Variants in ITSN2 observed in about 807,000 individuals in gnomAD.
ITSN2 encodes the protein intersectin-2.
A neutral mutation model predicts 243.7 loss-of-function variants in ITSN2; 156 were observed. The observed-to-expected ratio is 0.64, with a 90% CI of 0.56 to 0.73. The LOEUF is 0.73. Among genes scored for constraint, ITSN2 ranks in the 30% least tolerant of loss-of-function variants. The probability of loss-of-function intolerance (pLI) is 0.00; values close to 1 mark genes in which losing one functional copy is unlikely to be tolerated. For synonymous variants in ITSN2, 703 were observed against 699.9 expected (o/e 1.00, Z -0.07); for missense variants, 1,801 against 1,996.1 (o/e 0.90, Z 1.86).
intron 15 of ITSN2, among the ~76,000 whole-genome samples, chr2:24,292,548 T>C (rs1442694772): frequency 6.6e-6 from 1 of 152,214 alleles, no homozygotes; most frequent in Admixed American, 6.5e-5. Flanking sequence ...GTGAACTTCA[T>C]TTCTGATATT....
chr2:24,336,336 G>A (rs888966827), intron 1 of ITSN2, among the ~76,000 whole-genome samples: 2 of 150,324 alleles, frequency 1.3e-5, no homozygotes, highest in African/African-American at 4.9e-5. Flanking sequence ...CTAAATAAAT[G>A]TTATTGGCTT....
intron 29 of ITSN2, among the ~76,000 whole-genome samples, chr2:24,235,077 A>G (rs1175479374): frequency 2.6e-5 from 4 of 152,256 alleles, no homozygotes; most frequent in African/African-American, 9.6e-5. Context: ...AGAATTGCCA[A>G]AACTTGGAAG....
rs533734857 is a variant in ITSN2 at position 24,301,266 on chromosome 2, C to A, written c.996-27G>T. 54 of 1,423,512 alleles carry A rather than the reference C, an allele frequency of 3.8e-5. No homozygotes were observed. The African/African-American group carries it at 6.7e-4, about 18-fold the overall frequency. The allele number at this position is 1,423,512 out of a possible 1,614,324, so 88.2% of individuals were successfully genotyped here. A position where few individuals can be genotyped will look rare whatever the true frequency, so the allele number is the denominator to read the frequency against. Reference sequence around the variant, plus strand: ...TAAAAAAATCAAACAACAAAGTTAGCATCATGTAGTCTGGACATTTTCAGA... The same window carrying A: ...TAAAAAAATCAAACAACAAAGTTAGAATCATGTAGTCTGGACATTTTCAGA... On this transcript the variant is annotated intron_variant, in intron 10 of 39. Transcript: ENST00000355123.
At chr2:24,321,834 T>G (rs534258159) in intron 2 of ITSN2, 3 of 152,300 alleles carry the variant, frequency 2.0e-5, no homozygotes, top group Non-Finnish European at 4.4e-5. Flanking sequence ...CCCTGACTAT[T>G]GTCAGGGACT....
intron 7 of ITSN2, among the ~76,000 whole-genome samples, chr2:24,310,023 G>C (rs1683057180): frequency 6.6e-6 from 1 of 151,930 alleles, no homozygotes; most frequent in African/African-American, 2.4e-5. Context: ...CACAGCTTTA[G>C]GCAAAGAAAA....
At chr2:24,302,201 AT>A in intron 9 of ITSN2, 99 bp from the exon 10 acceptor site, 1 of 638,708 alleles carries the variant, frequency 1.6e-6, no homozygotes, top group Non-Finnish European at 2.3e-6. Flanking sequence ...TTATTTATTT[AT>A]TTATTTATTT....
intron 23 of ITSN2, 25 bp from the exon 24 acceptor site, chr2:24,254,456 CA>C: frequency 6.4e-7 from 1 of 1,552,498 alleles, no homozygotes; most frequent in Non-Finnish European, 8.9e-7. Flanking sequence ...AACAAACAAA[CA>C]AACAAACAAA....
intron 29 of ITSN2, chr2:24,242,203 G>C (rs535668585): frequency 1.3e-5 from 2 of 152,192 alleles, no homozygotes; most frequent in African/African-American, 4.8e-5. Flanking sequence ...GACAACATTG[G>C]GTCCTAAAAA....
Position 24,209,883 on chromosome 2 carries a change from C to G in ITSN2, c.4408G>C (p.Val1470Leu). ...LLTYMVKQFA[V>L]SSGSEKLFSS... Reference sequence around the variant, plus strand: ...AAAAGTTTCTCAGAGCCAGAGGAAACAGCAAACTGCTTGACCATGTAGGTA... The same window carrying G: ...AAAAGTTTCTCAGAGCCAGAGGAAAGAGCAAACTGCTTGACCATGTAGGTA... Residue 1470 changes from valine to leucine, a missense_variant, in exon 35 of 40, where the codon GTT (valine) becomes CTT (leucine). Physicochemically the swap from Val to Leu is conservative, Grantham distance 32 (BLOSUM62 1). Coordinates refer to ENST00000355123, the MANE Select transcript of ITSN2 (RefSeq NM_006277.3). 6.2e-7 allele frequency: 1 copy of G among 1,614,196 alleles called. No individual in the cohort carries two copies. The highest frequency in any genetic ancestry group is 8.5e-7 in the Non-Finnish European group (1 of 1,180,046).
chr2:24,341,744 T>C (rs929495361), intron 1 of ITSN2, among the ~76,000 whole-genome samples: 4 of 151,946 alleles, frequency 2.6e-5, no homozygotes, highest in Admixed American at 6.6e-5. Flanking sequence ...GGCATGGTGG[T>C]GAGTGCCTGT....
At chr2:24,299,762 T>C (rs1217452024) in intron 12 of ITSN2, 147 bp downstream of exon 12, 1 of 681,222 alleles carries the variant, frequency 1.5e-6, no homozygotes, top group Non-Finnish European at 2.4e-6. Flanking sequence ...AGGGAAGGAA[T>C]GATCAGATTT....
chr2:24,257,752 C>A (rs757191185), intron 23 of ITSN2, 136 bp downstream of exon 23: 10 of 723,574 alleles, frequency 1.4e-5, no homozygotes, highest in African/African-American at 5.3e-5. Context: ...CCACCACGGC[C>A]GGCCAGAATT....
intron 1 of ITSN2, chr2:24,330,771 CTTTTT>C (rs903037107): frequency 5.1e-6 from 2 of 395,210 alleles, no homozygotes; most frequent in Admixed American, 7.1e-5. Flanking sequence ...TTTCATTTTA[CTTTTT>C]TTTTTTTTTA....
Position 24,216,184 on chromosome 2 carries a change from C to G in ITSN2, c.3855G>C (p.Gln1285His). 6 of 1,611,196 alleles carry G rather than the reference C, an allele frequency of 3.7e-6. No homozygotes were observed. The highest frequency in any genetic ancestry group is 4.2e-6 in the Non-Finnish European group (5 of 1,178,598). ...KKTGGEKMPV[Q>H]MIGDILAAEL... is the part of the protein sequence containing the mutation. ...CAGCGGCCAGGATGTCCCCAATCATCTGCACCGGCATCTTCTCGCCCCCGG... is the reference window on the plus strand; with the variant it reads ...CAGCGGCCAGGATGTCCCCAATCATGTGCACCGGCATCTTCTCGCCCCCGG... The change falls in exon 32 of 40, where the codon CAG becomes CAC. Residue 1285 changes from glutamine to histidine, a missense_variant. Physicochemically the swap from Gln to His is conservative, Grantham distance 24 (BLOSUM62 0). Transcript: ENST00000355123.
At chr2:24,284,881 G>A (rs748333889) in intron 16 of ITSN2, 38 bp from the exon 17 acceptor site, 9 of 852,672 alleles carry the variant, frequency 1.1e-5, no homozygotes, top group South Asian at 6.0e-5. Context: ...ATTAAACTAC[G>A]TACAGAATTT....
At position 24,246,991 on chromosome 2, in the gene ITSN2, A is replaced by C; in HGVS notation, c.3289-98T>G. The C allele has an allele frequency of 9.7e-6, 8 of 822,542 alleles. No individual in the cohort carries two copies. In the South Asian group the frequency reaches 1.4e-4, roughly 14 times the overall value. The allele number at this position is 822,542 out of a possible 1,614,324, so 51.0% of individuals were successfully genotyped here. A position where few individuals can be genotyped will look rare whatever the true frequency, so the allele number is the denominator to read the frequency against. On this transcript the variant is annotated intron_variant, in intron 27 of 39. Coordinates refer to ENST00000355123, the MANE Select transcript of ITSN2 (RefSeq NM_006277.3). ...TTAGAAAAACCATAAATGTGTAGTA[A>C]ATAATTTAATTTTGCCTAAAGAGAG...
Position 24,225,087 on chromosome 2 carries a change from T to A in ITSN2, c.3578-4021A>T, listed in dbSNP as rs1670896816. On this transcript the variant is annotated intron_variant, in intron 29 of 39. Coordinates refer to ENST00000355123, the MANE Select transcript of ITSN2 (RefSeq NM_006277.3). The surrounding 1 kb of genome is among the most constrained non-coding windows in gnomAD (Gnocchi z 4.2). Reference sequence around the variant, plus strand: ...TTGTCCCTGTGTGTCCTTCCTGAGTTAGGGAAGGAGGGGTCCTGTTTCTTT... The same window carrying A: ...TTGTCCCTGTGTGTCCTTCCTGAGTAAGGGAAGGAGGGGTCCTGTTTCTTT... Among the ~76,000 whole-genome samples, 1 of 152,162 alleles carries A rather than the reference T, an allele frequency of 6.6e-6. No homozygotes were observed. The highest frequency in any genetic ancestry group is 1.5e-5 in the Non-Finnish European group (1 of 68,018).
Position 24,230,972 on chromosome 2 carries a change from C to G in ITSN2, c.3578-9906G>C, listed in dbSNP as rs57991618. Among the ~76,000 whole-genome samples, 369 of 140,696 alleles carry G rather than the reference C, an allele frequency of 2.6e-3. 16 individuals carry two copies. The East Asian group carries it at 0.069, about 26-fold the overall frequency. 92.3% of individuals were successfully genotyped at this position (140,696 alleles called of 152,430 possible). A position where few individuals can be genotyped will look rare whatever the true frequency, so the allele number is the denominator to read the frequency against. On this transcript the variant is annotated intron_variant, in intron 29 of 39. Transcript: ENST00000355123. ...AGGCCTCCGCACTATTCCTCAGGCA[C>G]CACAGGATGCTCCTGCTGCAGGGAT...
chr2:24,337,339 T>TATATATATATATATATATATAC (rs1159743662), intron 1 of ITSN2, among the ~76,000 whole-genome samples: 1 of 113,274 alleles, frequency 8.8e-6, no homozygotes, highest in Non-Finnish European at 1.9e-5. Context: ...TATATATATA[T>TATATATATATATATATATATAC]ATATATATAT....
Sources: gnomAD v4.1 joint callset for allele counts (sites outside exome capture counted in the v4.1 genomes callset) on GRCh38, gnomAD v4.1.1 for gene constraint, Gnocchi (gnomAD v3.1) non-coding constraint, MANE v1.5 for transcripts, NCBI Gene and HGNC (gene_info 2026-07-23, HGNC 2026-07-21) for gene names.